Variants in LHFPL3 observed in about 807,000 individuals in gnomAD.
LHFPL3 encodes LHFPL tetraspan subfamily member 3 protein.
In LHFPL3, 5 loss-of-function variants were observed where a neutral mutation model predicts 19.3. The observed-to-expected ratio is 0.26, with a 90% CI of 0.14 to 0.54. The LOEUF (loss-of-function observed/expected upper bound fraction) is 0.54. Among genes scored for constraint, LHFPL3 ranks in the 20% least tolerant of loss-of-function variants. LHFPL3 has a pLI of 0.94. For synonymous variants in LHFPL3, 133 were observed against 126.2 expected (o/e 1.05, Z -0.36); for missense variants, 249 against 307.4 (o/e 0.81, Z 1.42).
chr7:104,646,643 C>T (rs1038585615), intron 1 of LHFPL3, among the ~76,000 whole-genome samples: 7 of 152,098 alleles, frequency 4.6e-5, no homozygotes, highest in African/African-American at 1.2e-4. Context: ...TGGGAAGACA[C>T]GAATTATAGT....
At chr7:104,420,566 T>C (rs981583019) in intron 1 of LHFPL3, among the ~76,000 whole-genome samples, 49 of 146,004 alleles carry the variant, frequency 3.4e-4, no homozygotes, top group African/African-American at 1.1e-3. Flanking sequence ...TTTTTTTTTT[T>C]TTTTTTTTTT....
chr7:104,825,087 G>A (rs1790791386), intron 2 of LHFPL3, among the ~76,000 whole-genome samples: 1 of 150,664 alleles, frequency 6.6e-6, no homozygotes, highest in Non-Finnish European at 1.5e-5. Flanking sequence ...GAGTGGGGGA[G>A]AGAGTTAAGA....
At chr7:104,448,284 A>T (rs1792369669) in intron 1 of LHFPL3, among the ~76,000 whole-genome samples, 1 of 152,208 alleles carries the variant, frequency 6.6e-6, no homozygotes, top group Admixed American at 6.5e-5. Context: ...TAGTTTATTC[A>T]TTCCTGTCCA....
intron 1 of LHFPL3, among the ~76,000 whole-genome samples, chr7:104,530,673 A>G (rs766736091): frequency 7.2e-5 from 11 of 152,204 alleles, no homozygotes; most frequent in Non-Finnish European, 1.5e-4. Flanking sequence ...ACTGCAACAT[A>G]TTTTGGGTAA....
Position 104,891,095 on chromosome 7 carries a change from T to C in LHFPL3, c.683-15092T>C, listed in dbSNP as rs564224535. 2.0e-5 allele frequency among the ~76,000 whole-genome samples: 3 copies of C among 151,908 alleles called. No individual in the cohort carries two copies. In the East Asian group the frequency reaches 5.8e-4, roughly 29 times the overall value. ...CTGGGTGCCTTACCCCCAACTTTCA[T>C]ATCAGAGACATCTAGTTGCCAAATT... is the stretch of plus-strand genomic sequence containing the variant. On this transcript the variant is annotated intron_variant, in intron 2 of 2. Transcript: ENST00000424859.
At chr7:104,670,999 T>G (rs1792470347) in intron 1 of LHFPL3, among the ~76,000 whole-genome samples, 1 of 152,132 alleles carries the variant, frequency 6.6e-6, no homozygotes, top group Admixed American at 6.6e-5. Context: ...GGGATCAGCT[T>G]GGTAGACAGT....
At chr7:104,339,783 G>A (rs1486435922) in intron 1 of LHFPL3, among the ~76,000 whole-genome samples, 3 of 152,098 alleles carry the variant, frequency 2.0e-5, no homozygotes, top group Non-Finnish European at 2.9e-5. Context: ...TAGAGTCTGC[G>A]GTGATTCTTT....
At chr7:104,520,220 T>G (rs941735452) in intron 1 of LHFPL3, among the ~76,000 whole-genome samples, 12 of 152,250 alleles carry the variant, frequency 7.9e-5, no homozygotes, top group East Asian at 1.9e-4. Flanking sequence ...GGTTTTTGTC[T>G]TTGCTTCTGT....
intron 2 of LHFPL3, among the ~76,000 whole-genome samples, chr7:104,891,035 C>A (rs1054333734): frequency 6.6e-6 from 1 of 151,668 alleles, no homozygotes; most frequent in African/African-American, 2.4e-5. Flanking sequence ...ACTGTTGCAG[C>A]TATGAGGACA....
chr7:104,709,898 G>A (rs1375676598), intron 1 of LHFPL3, among the ~76,000 whole-genome samples: 1 of 151,216 alleles, frequency 6.6e-6, no homozygotes, highest in African/African-American at 2.4e-5. Context: ...AGGCAGAGAC[G>A]CTCCTCACTT....
intron 1 of LHFPL3, among the ~76,000 whole-genome samples, chr7:104,456,615 T>A (rs1792545608): frequency 6.6e-6 from 1 of 152,208 alleles, no homozygotes; most frequent in South Asian, 2.1e-4. Flanking sequence ...GTGGAGAACT[T>A]TCACCTCTTC....
intron 1 of LHFPL3, among the ~76,000 whole-genome samples, chr7:104,406,290 C>A (rs1050516171): frequency 1.3e-5 from 2 of 152,132 alleles, no homozygotes; most frequent in Non-Finnish European, 2.9e-5. Flanking sequence ...AGCAACACAT[C>A]TTTGTAGGCA....
chr7:104,554,678 GATAGA>G (rs1206425748), intron 1 of LHFPL3, among the ~76,000 whole-genome samples: 9 of 150,530 alleles, frequency 6.0e-5, no homozygotes, highest in Non-Finnish European at 1.3e-4. Flanking sequence ...TAGATAGATA[GATAGA>G]TAGATAGACA....
In LHFPL3 at chr7:104,877,276, T is replaced by TTA. The variant is rs1554354363; in HGVS notation, c.683-28911_683-28910insTA. ...ATGTACCCTAGAACTTAAAGTATAA[T>TTA]AAAAAAAAAATTGAGGATTACTGGG... On this transcript the variant is annotated intron_variant, in intron 2 of 2. Transcript: ENST00000424859. Among the ~76,000 whole-genome samples the TTA allele has an allele frequency of 5.1e-5, 7 of 138,474 alleles. No individual in the cohort carries two copies. The East Asian group carries it at 1.3e-3, about 25-fold the overall frequency. 90.8% of individuals were successfully genotyped at this position (138,474 alleles called of 152,430 possible). A position where few individuals can be genotyped will look rare whatever the true frequency, so the allele number is the denominator to read the frequency against.
At chr7:104,874,800 T>C (rs960749591) in intron 2 of LHFPL3, among the ~76,000 whole-genome samples, 1 of 152,218 alleles carries the variant, frequency 6.6e-6, no homozygotes, top group African/African-American at 2.4e-5. Context: ...GGCTCATTCA[T>C]TGCTCCTAAT....
intron 1 of LHFPL3, among the ~76,000 whole-genome samples, chr7:104,534,247 A>C (rs1794354828): frequency 6.6e-6 from 1 of 152,198 alleles, no homozygotes; most frequent in South Asian, 2.1e-4. Context: ...CATCAGAAAA[A>C]AATCCGTGAA....
At chr7:104,793,582 ACACT>A (rs1185997755) in intron 2 of LHFPL3, among the ~76,000 whole-genome samples, 2 of 152,224 alleles carry the variant, frequency 1.3e-5, no homozygotes, top group African/African-American at 2.4e-5. Flanking sequence ...GTTTGAACTA[ACACT>A]CACAGTCATT....
chr7:104,588,766 A>G (rs1790640737), intron 1 of LHFPL3, among the ~76,000 whole-genome samples: 1 of 152,126 alleles, frequency 6.6e-6, no homozygotes, highest in Admixed American at 6.5e-5. Context: ...ATGTTCTTCC[A>G]TTTATTTGTG....
chr7:104,467,120 C>G (rs1792804042), intron 1 of LHFPL3, among the ~76,000 whole-genome samples: 3 of 152,218 alleles, frequency 2.0e-5, no homozygotes, highest in Non-Finnish European at 4.4e-5. Context: ...TTCAATAGCA[C>G]CTACAGTTAG....
Sources: allele counts gnomAD v4.1 joint callset (sites outside exome capture counted in the v4.1 genomes callset), GRCh38; gene constraint gnomAD v4.1.1; transcripts MANE v1.5; gene names NCBI Gene and HGNC (gene_info 2026-07-23, HGNC 2026-07-21).